Variants in EYA2 observed in about 807,000 individuals in gnomAD.
The protein encoded by EYA2 is protein phosphatase EYA2.
Under a neutral mutation model 69.2 loss-of-function variants are expected in EYA2, and 31 were observed. The observed-to-expected ratio is 0.45, with a 90% CI of 0.34 to 0.60. EYA2 has a LOEUF of 0.60. Ranked by LOEUF, EYA2 falls within the 20% of genes least tolerant of loss-of-function variation. EYA2 has a pLI of 0.02. For synonymous variants in EYA2, 257 were observed against 279.4 expected, an observed-to-expected ratio of 0.92 and a Z score of 0.80; for missense variants, 622 against 701.2, an observed-to-expected ratio of 0.89 and a Z score of 1.28.
At chr20:46,927,116 G>T (rs1985447335) in intron 1 of EYA2, among the ~76,000 whole-genome samples, 1 of 152,194 alleles carries the variant, frequency 6.6e-6, no homozygotes, top group African/African-American at 2.4e-5. Context: ...CTCGTGCTGG[G>T]CGTGTCTGCC....
chr20:47,043,824 A>G (rs6012103), intron 5 of EYA2, among the ~76,000 whole-genome samples: 32,713 of 152,138 alleles, frequency 0.22, 3,637 homozygotes, highest in South Asian at 0.32. Flanking sequence ...GAGTGGGTCA[A>G]TAGAAGCTGA....
At chr20:47,117,774 T>A in intron 9 of EYA2, 1 of 821,708 alleles carries the variant, frequency 1.2e-6, no homozygotes. Context: ...GACCACAGAT[T>A]CTTTCCTTTT....
chr20:47,096,363 A>G (rs1274185766), intron 8 of EYA2, among the ~76,000 whole-genome samples: 1 of 152,238 alleles, frequency 6.6e-6, no homozygotes, highest in Non-Finnish European at 1.5e-5. Context: ...TAGTTATAAA[A>G]CCAATGTACA....
At chr20:47,180,780 T>C (rs753322602) in intron 13 of EYA2, 35 bp from the exon 14 acceptor site, 5 of 1,609,152 alleles carry the variant, frequency 3.1e-6, no homozygotes, top group Non-Finnish European at 4.2e-6. Context: ...TTGTGGTCCC[T>C]CTGAGTTCTG....
chr20:46,904,306 G>C (rs1250288065), intron 1 of EYA2, among the ~76,000 whole-genome samples: 1 of 150,026 alleles, frequency 6.7e-6, no homozygotes, highest in Non-Finnish European at 1.5e-5. Flanking sequence ...CCCATTTCTT[G>C]CTGTACCCCC....
intron 9 of EYA2, among the ~76,000 whole-genome samples, chr20:47,111,336 T>C (rs1259706172): frequency 6.6e-6 from 1 of 152,192 alleles, no homozygotes; most frequent in African/African-American, 2.4e-5. Context: ...CCCCAGGACT[T>C]AGTGGCATAA....
chr20:47,036,703 T>G (rs1984734899), intron 5 of EYA2, among the ~76,000 whole-genome samples: 1 of 152,224 alleles, frequency 6.6e-6, no homozygotes, highest in Non-Finnish European at 1.5e-5. Flanking sequence ...AATCCAAAGT[T>G]CTTGCTTTAT....
At chr20:46,962,116 C>T (rs953091521) in intron 1 of EYA2, among the ~76,000 whole-genome samples, 1 of 152,044 alleles carries the variant, frequency 6.6e-6, no homozygotes, top group African/African-American at 2.4e-5. Context: ...ACAGCCTCAA[C>T]CTCCTGGGCT....
intron 9 of EYA2, among the ~76,000 whole-genome samples, chr20:47,126,897 T>C (rs1256231541): frequency 6.6e-6 from 1 of 152,166 alleles, no homozygotes; most frequent in African/African-American, 2.4e-5. Flanking sequence ...AACGTGGAAT[T>C]ATCTGGCTCA....
At chr20:47,165,805 C>T (rs552508498) in intron 10 of EYA2, among the ~76,000 whole-genome samples, 1 of 152,272 alleles carries the variant, frequency 6.6e-6, no homozygotes, top group Admixed American at 6.5e-5. Flanking sequence ...CTCTCAGATT[C>T]CAGCCCAGCT....
chr20:46,961,986 A>G (rs1173739928), intron 1 of EYA2, among the ~76,000 whole-genome samples: 5 of 152,294 alleles, frequency 3.3e-5, no homozygotes, highest in Admixed American at 1.3e-4. Context: ...ACAATTGACT[A>G]TGTATTTTCA....
chr20:47,122,114 T>G (rs981029207), intron 9 of EYA2, among the ~76,000 whole-genome samples: 1 of 152,186 alleles, frequency 6.6e-6, no homozygotes, highest in African/African-American at 2.4e-5. Flanking sequence ...CAATCCCAAA[T>G]GGCATCACTT....
At chr20:46,954,684 G>A (rs1398051121) in intron 1 of EYA2, among the ~76,000 whole-genome samples, 1 of 152,168 alleles carries the variant, frequency 6.6e-6, no homozygotes, top group Non-Finnish European at 1.5e-5. Flanking sequence ...AACCCTGTGC[G>A]TCATTCCTCA....
chr20:46,986,966 A>G (rs1331116419), intron 1 of EYA2, among the ~76,000 whole-genome samples: 1 of 152,216 alleles, frequency 6.6e-6, no homozygotes, highest in Non-Finnish European at 1.5e-5. Context: ...CAAAAAGTCC[A>G]TGTACAGAAA....
At chr20:47,014,628 A>ATATGTG (rs1555812542) in intron 4 of EYA2, among the ~76,000 whole-genome samples, 4 of 144,614 alleles carry the variant, frequency 2.8e-5, no homozygotes, top group Non-Finnish European at 6.1e-5. Context: ...TGTGCACAAA[A>ATATGTG]TGTGTGTGTG....
chr20:47,119,025 A>T (rs1012917558), intron 9 of EYA2, among the ~76,000 whole-genome samples: 1 of 152,232 alleles, frequency 6.6e-6, no homozygotes, highest in Non-Finnish European at 1.5e-5. Context: ...CTTGCTGCTC[A>T]CGATGATAAG....
At chr20:47,146,192 C>G (rs913882197) in intron 10 of EYA2, among the ~76,000 whole-genome samples, 2 of 152,172 alleles carry the variant, frequency 1.3e-5, no homozygotes, top group African/African-American at 2.4e-5. Context: ...TCCCATCCCC[C>G]TGTCTGGGGT....
intron 5 of EYA2, among the ~76,000 whole-genome samples, chr20:47,064,883 G>C (rs536417880): frequency 4.1e-4 from 62 of 152,328 alleles, no homozygotes; most frequent in South Asian, 8.3e-4. Flanking sequence ...CACTGTATTA[G>C]TCTGTTCTCA....
At chr20:46,907,382 C>T (rs1233622350) in intron 1 of EYA2, among the ~76,000 whole-genome samples, 2 of 152,214 alleles carry the variant, frequency 1.3e-5, no homozygotes, top group African/African-American at 2.4e-5. Flanking sequence ...GCCTACAAGC[C>T]ATTGATGTTA....
Sources: allele counts gnomAD v4.1 joint callset (sites outside exome capture counted in the v4.1 genomes callset), GRCh38; gene constraint gnomAD v4.1.1; transcripts MANE v1.5; gene names NCBI Gene and HGNC (gene_info 2026-07-23, HGNC 2026-07-21).